The following ADGB variants were observed in gnomAD, a reference collection of about 807,000 sequenced individuals.
The protein encoded by ADGB is calpain-7-like protein.
ADGB carries 172 observed loss-of-function variants against 210.5 expected under a neutral mutation model. That is an observed-to-expected ratio of 0.82 (90% CI 0.72 to 0.93). The LOEUF (loss-of-function observed/expected upper bound fraction) is 0.93. Among genes scored for constraint, ADGB ranks in the 40% least tolerant of loss-of-function variants. The pLI is 0.00. For missense variants in ADGB, 2,025 were observed against 1,964.8 expected (o/e 1.03, Z -0.58); for synonymous variants, 658 against 662.7 (o/e 0.99, Z 0.11).
At chr6:146,657,411 A>T (rs1253472424) in intron 5 of ADGB, among the ~76,000 whole-genome samples, 2 of 152,164 alleles carry the variant, frequency 1.3e-5, no homozygotes, top group East Asian at 3.9e-4. Flanking sequence ...CTAGTACAAG[A>T]TAATGCAGTT....
rs537616458 is a variant in ADGB at position 146,668,083 on chromosome 6, A to G, written c.839+1181A>G. Among the ~76,000 whole-genome samples, 8 of 152,188 alleles carry G rather than the reference A, an allele frequency of 5.3e-5. No individual in the cohort carries two copies. In the East Asian group the frequency reaches 1.5e-3, roughly 29 times the overall value. The stretch of plus-strand genomic sequence containing the variant: ...CAACTTAGTGCTGACTTATAATTTC[A>G]CGATCGTTTTATTTAATACATAAGG... On this transcript the variant is annotated intron_variant, in intron 7 of 35. Coordinates refer to ENST00000397944, the MANE Select transcript of ADGB (RefSeq NM_024694.4).
chr6:146,737,053 C>A (rs983824972), intron 23 of ADGB, among the ~76,000 whole-genome samples: 1 of 151,476 alleles, frequency 6.6e-6, no homozygotes, highest in Non-Finnish European at 1.5e-5. Context: ...AATTACACAC[C>A]CACTCACCTC....
chr6:146,600,924 GCGCACACACACACACA>G (rs1475079001), intron 1 of ADGB, among the ~76,000 whole-genome samples: 5 of 47,574 alleles, frequency 1.1e-4, no homozygotes, highest in African/African-American at 1.9e-4. Flanking sequence ...CCTCCCCCAT[GCGCACACACACACACA>G]CACACACACA....
chr6:146,803,724 C>T, intron 35 of ADGB: 1 of 970,740 alleles, frequency 1.0e-6, no homozygotes, highest in Non-Finnish European at 1.6e-6. Flanking sequence ...TCTTAAGTAC[C>T]GGCGCCTCAT....
At chr6:146,679,463 A>G (rs1403581052) in intron 9 of ADGB, among the ~76,000 whole-genome samples, 1 of 152,208 alleles carries the variant, frequency 6.6e-6, no homozygotes, top group African/African-American at 2.4e-5. Context: ...ACTGCGATAT[A>G]AACTCCACTC....
intron 1 of ADGB, among the ~76,000 whole-genome samples, chr6:146,631,927 G>T (rs1396814291): frequency 6.6e-6 from 1 of 150,598 alleles, no homozygotes; most frequent in East Asian, 2.0e-4. Context: ...TTCTTGATCT[G>T]CTAGCTGCAT....
At chr6:146,696,846 C>T (rs1008547318) in intron 12 of ADGB, among the ~76,000 whole-genome samples, 58 of 152,234 alleles carry the variant, frequency 3.8e-4, no homozygotes, top group Admixed American at 3.5e-3. Flanking sequence ...TTTAGAAGTA[C>T]TCTAATTTTT....
chr6:146,719,286 C>T (rs1296671310), intron 16 of ADGB, among the ~76,000 whole-genome samples: 1 of 152,176 alleles, frequency 6.6e-6, no homozygotes, highest in African/African-American at 2.4e-5. Context: ...TACACATAAC[C>T]ACCCTAATTT....
intron 1 of ADGB, among the ~76,000 whole-genome samples, chr6:146,628,831 A>C (rs1231130102): frequency 3.3e-5 from 5 of 152,102 alleles, no homozygotes; most frequent in Admixed American, 3.3e-4. Context: ...CCATCTCTGC[A>C]CACATCATTT....
intron 35 of ADGB, chr6:146,803,220 A>G (rs757305694): frequency 2.6e-6 from 4 of 1,531,406 alleles, no homozygotes; most frequent in Non-Finnish European, 3.6e-6. Flanking sequence ...ATTCAATCTC[A>G]TATTCCTGCT....
At chr6:146,784,422 T>C (rs992184274) in intron 30 of ADGB, among the ~76,000 whole-genome samples, 196 bp from the exon 31 acceptor site, 1 of 152,222 alleles carries the variant, frequency 6.6e-6, no homozygotes, top group Non-Finnish European at 1.5e-5. Flanking sequence ...CCTCGATTGA[T>C]AGACATATAT....
intron 22 of ADGB, 62 bp from the exon 23 acceptor site, chr6:146,736,436 G>T: frequency 9.2e-7 from 1 of 1,086,502 alleles, no homozygotes; most frequent in Non-Finnish European, 1.3e-6. Context: ...GAAGGCTTTG[G>T]ACAAGATGAT....
Position 146,782,204 on chromosome 6 carries a change from A to AT in ADGB, c.4035+20dup, listed in dbSNP as rs947148812. 20 of 1,504,118 alleles carry AT rather than the reference A, an allele frequency of 1.3e-5. No individual in the cohort carries two copies. Among genetic ancestry groups the AT allele is most frequent in the South Asian group, 5.3e-5 (4 of 74,992 alleles). The allele number at this position is 1,504,118 out of a possible 1,614,324, so 93.2% of individuals were successfully genotyped here. A position where few individuals can be genotyped will look rare whatever the true frequency, so the allele number is the denominator to read the frequency against. ...GCTTTGAGCCTCAGGTGGGTGTGGAATTTTTTTTATTTGAGTGACTTAATG... is the reference window on the plus strand; with the variant it reads ...GCTTTGAGCCTCAGGTGGGTGTGGAATTTTTTTTTATTTGAGTGACTTAATG... On this transcript the variant is annotated intron_variant, in intron 30 of 35. Transcript: ENST00000397944.
At chr6:146,797,885 A>G (rs1233093054) in intron 33 of ADGB, among the ~76,000 whole-genome samples, 1 of 152,132 alleles carries the variant, frequency 6.6e-6, no homozygotes, top group Non-Finnish European at 1.5e-5. Context: ...GTAAACAAGC[A>G]TTATATCCTG....
At chr6:146,745,884 G>T in intron 25 of ADGB, 38 bp from the exon 26 acceptor site, 1 of 1,463,054 alleles carries the variant, frequency 6.8e-7, no homozygotes, top group South Asian at 1.3e-5. Context: ...GAATAATAAC[G>T]ACATAATTCA....
Position 146,726,115 on chromosome 6 carries a change from C to G in ADGB, c.2270C>G (p.Pro757Arg). Residue 757 changes from proline (P) to arginine (R), a missense_variant, in exon 19 of 36, where the codon CCA becomes CGA. Coordinates refer to ENST00000397944, the MANE Select transcript of ADGB (RefSeq NM_024694.4). ...ATGCTACTCTTCAACGCATACTCCC[C>G]AGTAGGACACTCCATACACATCTGC... The part of the protein sequence containing the change: ...RHMLLFNAYS[P>R]VGHSIHICSM... 1 of 1,548,394 alleles carries G rather than the reference C, an allele frequency of 6.5e-7. No individual in the cohort carries two copies. Among genetic ancestry groups the G allele is most frequent in the Non-Finnish European group, 8.7e-7 (1 of 1,143,974 alleles).
At chr6:146,701,601 G>A (rs1776490891) in intron 13 of ADGB, among the ~76,000 whole-genome samples, 1 of 151,998 alleles carries the variant, frequency 6.6e-6, no homozygotes, top group African/African-American at 2.4e-5. Context: ...ACAGGTACAA[G>A]AGTTTCTTTA....
chr6:146,608,306 A>AT (rs1266706604), intron 1 of ADGB, among the ~76,000 whole-genome samples: 9 of 150,314 alleles, frequency 6.0e-5, no homozygotes, highest in Non-Finnish European at 1.0e-4. Flanking sequence ...AGTCTTATTT[A>AT]TTTTTTCTGA....
rs561982176 is a variant in ADGB at position 146,781,695 on chromosome 6, T to C, written c.3863-325T>C. On this transcript the variant is annotated intron_variant, in intron 29 of 35. Coordinates refer to ENST00000397944, the MANE Select transcript of ADGB (RefSeq NM_024694.4). ...AATGAGTTCAATATTGTATTACAAG[T>C]ACTAGCCAACACAATTATGCAATAA... is the stretch of plus-strand genomic sequence containing the variant. Among the ~76,000 whole-genome samples, 15 of 152,254 alleles carry C rather than the reference T, an allele frequency of 9.9e-5. No individual in the cohort carries two copies. The South Asian group carries it at 3.1e-3, about 32-fold the overall frequency.
Sources: allele counts gnomAD v4.1 joint callset (sites outside exome capture counted in the v4.1 genomes callset), GRCh38; gene constraint gnomAD v4.1.1; transcripts MANE v1.5; gene names NCBI Gene and HGNC (gene_info 2026-07-23, HGNC 2026-07-21).